The following NPFFR1 variants were observed in gnomAD, a reference collection of about 807,000 sequenced individuals.
The protein encoded by NPFFR1 is neuropeptide FF receptor 1.
Under a neutral mutation model 12.7 loss-of-function variants are expected in NPFFR1, and 17 were observed. The observed-to-expected ratio is 1.34, with a 90% CI of 0.92 to 2.01. The LOEUF (loss-of-function observed/expected upper bound fraction) is 2.01, where lower values mean the gene tolerates loss of function less well. NPFFR1 is among the 30% of genes most tolerant of loss of function. The probability of loss-of-function intolerance (pLI) is 0.00; values close to 1 mark genes in which losing one functional copy is unlikely to be tolerated. For missense variants in NPFFR1, 604 were observed against 606.5 expected, an observed-to-expected ratio of 1.00 and a Z score of 0.04; for synonymous variants, 296 against 264.5, an observed-to-expected ratio of 1.12 and a Z score of -1.16.
intron 1 of NPFFR1, among the ~76,000 whole-genome samples, chr10:70,270,834 C>A (rs1840738142): frequency 6.6e-6 from 1 of 152,098 alleles, no homozygotes; most frequent in Non-Finnish European, 1.5e-5. Flanking sequence ...CCCGGTGAAG[C>A]CATTCCTCTA....
In NPFFR1 at chr10:70,255,564, A is replaced by G. The variant is rs567733203; in HGVS notation, c.686T>C (p.Leu229Pro). 5 of 1,551,028 alleles carry G rather than the reference A, an allele frequency of 3.2e-6. No homozygotes were observed. In the African/African-American group the frequency reaches 6.8e-5, roughly 21 times the overall value. The change falls in exon 4 of 4, where the codon CTG (leucine) becomes CCG (proline). Residue 229 changes from leucine to proline, a missense_variant. Transcript: ENST00000277942. The surrounding 1 kb of genome is among the most constrained non-coding windows in gnomAD (Gnocchi z 4.2). Reference sequence around the variant, plus strand: ...GGCGTACATGACCACGATGAGCGCCAGCGGCGCCAGGTAGATGTGCGAGAA... The same window carrying G: ...GGCGTACATGACCACGATGAGCGCCGGCGGCGCCAGGTAGATGTGCGAGAA... ...VLFSHIYLAP[L>P]ALIVVMYARI...
intron 1 of NPFFR1, 83 bp downstream of exon 1, chr10:70,283,587 C>A: frequency 7.5e-7 from 1 of 1,332,270 alleles, no homozygotes; most frequent in Non-Finnish European, 1.0e-6. Flanking sequence ...GATCAGCTGC[C>A]CGGCCCTCTC....
intron 3 of NPFFR1, among the ~76,000 whole-genome samples, chr10:70,257,938 CAT>C (rs904436018): frequency 2.0e-5 from 3 of 152,142 alleles, no homozygotes; most frequent in Non-Finnish European, 4.4e-5. Context: ...TTAATTATGA[CAT>C]AGATTCTATT....
intron 1 of NPFFR1, chr10:70,278,096 G>A: frequency 4.3e-6 from 2 of 464,218 alleles, no homozygotes; most frequent in East Asian, 1.3e-4. Context: ...GGCCAGCCCT[G>A]AGTGATAGAA....
intron 2 of NPFFR1, among the ~76,000 whole-genome samples, chr10:70,263,732 GA>G (rs913161860): frequency 6.6e-5 from 10 of 151,856 alleles, no homozygotes; most frequent in African/African-American, 2.4e-4. Context: ...ATAGTGCCAT[GA>G]ACTGTAAACT....
chr10:70,283,132 T>TTTTG (rs1554833974), intron 1 of NPFFR1, among the ~76,000 whole-genome samples: 1 of 149,548 alleles, frequency 6.7e-6, no homozygotes, highest in Non-Finnish European at 1.5e-5. Flanking sequence ...CTCTCTCTTT[T>TTTTG]TGTGTGTGTG....
chr10:70,255,364 C>G lies in NPFFR1; in HGVS notation c.886G>C (p.Gly296Arg), dbSNP rs778877265. 1.4e-5 allele frequency: 22 copies of G among 1,557,808 alleles called. No individual in the cohort carries two copies. The East Asian group carries it at 1.4e-4, about 10-fold the overall frequency. ...TGCAGCTGCGGCGCGCTGAGCTGCC[C>G]GTAGTCGATGAGCAGCAGCAGCGCC... ...LWALLLLIDY[G>R]QLSAPQLHLV... is the part of the protein sequence containing the mutation. The change falls in exon 4 of 4, where the codon GGG becomes CGG. Residue 296 changes from glycine (G) to arginine (R), a missense_variant. Transcript: ENST00000277942. The surrounding 1 kb of genome is among the most constrained non-coding windows in gnomAD (Gnocchi z 4.2).
chr10:70,260,705 GC>G lies in NPFFR1; in HGVS notation c.356del (p.Ser119ThrfsTer35). 1 of 1,608,870 alleles carries G rather than the reference GC, an allele frequency of 6.2e-7. No homozygotes were observed. On this transcript the variant is annotated frameshift_variant, in exon 3 of 4. Transcript: ENST00000277942. LOFTEE classifies it high-confidence loss of function. ...ACACAGACATGCCCTGCACCAAGCC[GC>G]TCATCTTGCATGTGGCATTGTCGAA... ...WPFDNATCKM[S>X]GLVQGMSVSA...
In NPFFR1 at chr10:70,255,238, G is replaced by A; in HGVS notation, c.1012C>T (p.Arg338Cys). The A allele has an allele frequency of 1.3e-6, 2 of 1,557,566 alleles. No homozygotes were observed. The highest frequency in any genetic ancestry group is 1.4e-5 in the African/African-American group (1 of 73,886). Reference sequence around the variant, plus strand: ...GCGCGGAAGGCGGCCTGGAAGCCGCGGCGGAAGTTCTCGTTGAAGTAGCCG... The same window carrying A: ...GCGCGGAAGGCGGCCTGGAAGCCGCAGCGGAAGTTCTCGTTGAAGTAGCCG... ...IYGYFNENFR[R>C]GFQAAFRARL... Residue 338 changes from arginine to cysteine, a missense_variant, in exon 4 of 4, where the codon CGC becomes TGC. Arg to Cys is a radical substitution (Grantham distance 180). Coordinates refer to ENST00000277942, the MANE Select transcript of NPFFR1 (RefSeq NM_022146.5). This position sits in a 1 kb window ranked among gnomAD's most constrained non-coding sequence, Gnocchi z 4.2.
At chr10:70,264,323 G>A (rs777033346) in intron 2 of NPFFR1, among the ~76,000 whole-genome samples, 90 of 128,996 alleles carry the variant, frequency 7.0e-4, no homozygotes, top group African/African-American at 2.0e-3. Context: ...GCAGTGAGCC[G>A]AGATCCCAGC....
Position 70,266,101 on chromosome 10 carries a change from T to A in NPFFR1, c.298A>T (p.Thr100Ser). The A allele has an allele frequency of 6.2e-7, 1 of 1,613,942 alleles. No homozygotes were observed. ...LLVGIFCMPTTLVDNLITGWP... is the reference protein window; with the variant it reads ...LLVGIFCMPTSLVDNLITGWP... ...CCAGTGATGAGGTTGTCCACAAGGGTGGTGGGCATGCAGAAGATGCCCACC... is the reference window on the plus strand; with the variant it reads ...CCAGTGATGAGGTTGTCCACAAGGGAGGTGGGCATGCAGAAGATGCCCACC... Residue 100 changes from threonine to serine, a missense_variant, in exon 2 of 4, where the codon ACC becomes TCC. Thr to Ser is a moderately conservative substitution (Grantham distance 58). Transcript: ENST00000277942.
At position 70,251,580 on chromosome 10, in the gene NPFFR1, C is replaced by T. The variant is rs1212356946; in HGVS notation, c.*3377G>A. 1 of 152,188 alleles carries T rather than the reference C, an allele frequency of 6.6e-6. No individual in the cohort carries two copies. The highest frequency in any genetic ancestry group is 1.5e-5 in the Non-Finnish European group (1 of 68,082). The allele number at this position is 152,188 out of a possible 1,614,324, so 9.4% of individuals were successfully genotyped here. A position where few individuals can be genotyped will look rare whatever the true frequency, so the allele number is the denominator to read the frequency against. On this transcript the variant is annotated 3_prime_UTR_variant, in exon 4 of 4. Transcript: ENST00000277942. Reference sequence around the variant, plus strand: ...AGGACACAGAGTCCCTCCAGGAGGCCCTCTGGGTGGGGATGCTCAGTGTCA... The same window carrying T: ...AGGACACAGAGTCCCTCCAGGAGGCTCTCTGGGTGGGGATGCTCAGTGTCA...
At chr10:70,265,807 C>T (rs1840683725) in intron 2 of NPFFR1, among the ~76,000 whole-genome samples, 1 of 152,232 alleles carries the variant, frequency 6.6e-6, no homozygotes, top group Admixed American at 6.5e-5. Context: ...ACCATAAACT[C>T]TACTTCACTG....
intron 1 of NPFFR1, among the ~76,000 whole-genome samples, chr10:70,271,993 T>C (rs1288649166): frequency 6.6e-6 from 1 of 151,786 alleles, no homozygotes; most frequent in East Asian, 1.9e-4. Flanking sequence ...GGTGGGCCCC[T>C]GTAGTCCCAA....
intron 1 of NPFFR1, among the ~76,000 whole-genome samples, chr10:70,271,734 G>A (rs1840743876): frequency 6.6e-6 from 1 of 152,088 alleles, no homozygotes; most frequent in African/African-American, 2.4e-5. Context: ...CTCTGTGTGA[G>A]GCAGCAGCAG....
In NPFFR1 at chr10:70,251,792, G is replaced by A. The variant is rs1320537979; in HGVS notation, c.*3165C>T. 2 of 152,256 alleles carry A rather than the reference G, an allele frequency of 1.3e-5. No individual in the cohort carries two copies. The highest frequency in any genetic ancestry group is 4.8e-5 in the African/African-American group (2 of 41,466). The allele number at this position is 152,256 out of a possible 1,614,324, so 9.4% of individuals were successfully genotyped here. A position where few individuals can be genotyped will look rare whatever the true frequency, so the allele number is the denominator to read the frequency against. ...AGGCCCCGTCAGGGTCCAGGTGTCA[G>A]AACATAGGAATCCAGTGAGGATAAT... On this transcript the variant is annotated 3_prime_UTR_variant, in exon 4 of 4. Transcript: ENST00000277942.
At position 70,249,219 on chromosome 10, in the gene NPFFR1, T is replaced by TA. The variant is rs1204041642; in HGVS notation, c.*5737dup. 6.6e-6 allele frequency: 1 copy of TA among 151,888 alleles called. No individual in the cohort carries two copies. The highest frequency in any genetic ancestry group is 1.5e-5 in the Non-Finnish European group (1 of 67,994). 9.4% of individuals were successfully genotyped at this position (151,888 alleles called of 1,614,324 possible). On this transcript the variant is annotated 3_prime_UTR_variant, in exon 4 of 4. Transcript: ENST00000277942. Reference sequence around the variant, plus strand: ...TTCAAGACCAGCCTGGCCAACATGGTAAAATCCCATCTCTATTAAAAATAC... The same window carrying TA: ...TTCAAGACCAGCCTGGCCAACATGGTAAAAATCCCATCTCTATTAAAAATAC...
At chr10:70,267,648 A>T (rs1489114026) in intron 1 of NPFFR1, among the ~76,000 whole-genome samples, 1 of 152,160 alleles carries the variant, frequency 6.6e-6, no homozygotes, top group African/African-American at 2.4e-5. Flanking sequence ...GGAAGTCATT[A>T]GTTGGGGTGA....
rs1296584645 is a variant in NPFFR1, at chr10:70,253,261, T to C, written c.*1696A>G. The C allele has an allele frequency of 6.6e-6, 1 of 152,148 alleles. No individual in the cohort carries two copies. The highest frequency in any genetic ancestry group is 1.5e-5 in the Non-Finnish European group (1 of 68,040). 9.4% of individuals were successfully genotyped at this position (152,148 alleles called of 1,614,324 possible). A position where few individuals can be genotyped will look rare whatever the true frequency, so the allele number is the denominator to read the frequency against. ...CGAGAGTAAACACAATAGATTTCTT[T>C]CCCAGACCAAGAGCTTGGGCACCAG... On this transcript the variant is annotated 3_prime_UTR_variant, in exon 4 of 4. Coordinates refer to ENST00000277942, the MANE Select transcript of NPFFR1 (RefSeq NM_022146.5).
Sources: gnomAD v4.1 joint callset for allele counts (sites outside exome capture counted in the v4.1 genomes callset) on GRCh38, gnomAD v4.1.1 for gene constraint, Gnocchi (gnomAD v3.1) non-coding constraint, MANE v1.5 for transcripts, NCBI Gene and HGNC (gene_info 2026-07-23, HGNC 2026-07-21) for gene names.